Variants in BZW1 observed in about 807,000 individuals in gnomAD.
The protein encoded by BZW1 is eIF5-mimic protein 2.
BZW1 carries 3 observed loss-of-function variants against 54.1 expected under a neutral mutation model. That is an observed-to-expected ratio of 0.06 (90% CI 0.03 to 0.14). The LOEUF (loss-of-function observed/expected upper bound fraction) is 0.14. BZW1 is among the 10% of genes least tolerant of loss of function. BZW1 has a pLI of 1.00. For missense variants in BZW1, 206 were observed against 491.7 expected, an observed-to-expected ratio of 0.42 and a Z score of 5.50; for synonymous variants, 152 against 162.7, an observed-to-expected ratio of 0.93 and a Z score of 0.50.
chr2:200,817,762 TTAAG>T (rs1420175188), intron 6 of BZW1, among the ~76,000 whole-genome samples: 1 of 152,134 alleles, frequency 6.6e-6, no homozygotes, highest in Non-Finnish European at 1.5e-5. Flanking sequence ...GGAAAACACT[TTAAG>T]TAACTTGGCC....
intron 1 of BZW1, 96 bp from the exon 2 acceptor site, chr2:200,813,112 C>T: frequency 1.0e-6 from 1 of 994,334 alleles, no homozygotes. Context: ...GTGGGTGTTC[C>T]ATTTGATTCA....
In BZW1 at chr2:200,824,101, CATT is replaced by C. The variant is rs577237868; in HGVS notation, c.*1929_*1931del. 68 of 152,238 alleles carry C rather than the reference CATT, an allele frequency of 4.5e-4. No homozygotes were observed. Among genetic ancestry groups the C allele is most frequent in the African/African-American group, 9.1e-4 (38 of 41,546 alleles). 9.4% of individuals were successfully genotyped at this position (152,238 alleles called of 1,614,324 possible). On this transcript the variant is annotated 3_prime_UTR_variant, in exon 12 of 12. Transcript: ENST00000409600. Reference sequence around the variant, plus strand: ...AAAAGTGTGTCATCTTCCAGAACTACATTATTATCTTTGATCGTAGTTTGTTTC... The same window carrying C: ...AAAAGTGTGTCATCTTCCAGAACTACATTATCTTTGATCGTAGTTTGTTTC...
intron 2 of BZW1, among the ~76,000 whole-genome samples, chr2:200,813,720 A>G (rs545821297): frequency 6.6e-6 from 1 of 152,246 alleles, no homozygotes; most frequent in Admixed American, 6.5e-5. Context: ...CAGGATTCAC[A>G]TTGTAATGTC....
At chr2:200,818,691 T>G in intron 8 of BZW1, 64 bp from the exon 9 acceptor site, 1 of 1,515,988 alleles carries the variant, frequency 6.6e-7, no homozygotes. Flanking sequence ...GGTCTAAACT[T>G]GATGTGTGAA....
chr2:200,817,085 T>C (rs1486947054), intron 5 of BZW1, 21 bp from the exon 6 acceptor site: 1 of 1,611,448 alleles, frequency 6.2e-7, no homozygotes. Context: ...TTTTAACCCT[T>C]AATTGTTTTA....
chr2:200,818,720 C>G, intron 8 of BZW1, 35 bp from the exon 9 acceptor site: 2 of 1,565,588 alleles, frequency 1.3e-6, no homozygotes, highest in Non-Finnish European at 1.7e-6. Context: ...ATAATCAAAA[C>G]TGACTTCTGT....
chr2:200,821,308 A>G lies in BZW1; in HGVS notation c.1228+3A>G, dbSNP rs1287353076. 4.3e-6 allele frequency: 7 copies of G among 1,613,352 alleles called. No individual in the cohort carries two copies. The East Asian group carries it at 1.3e-4, about 31-fold the overall frequency. ...ATGGCTCAAAAATGCTGAAGAAGGT[A>G]AGGATTTTCCTTTGTGTGGTTTGTT... is the stretch of plus-strand genomic sequence containing the variant. On this transcript the variant is annotated splice_donor_region_variant and intron_variant, in intron 11 of 11. Transcript: ENST00000409600.
chr2:200,815,271 A>T (rs2038242655), intron 2 of BZW1, 70 bp from the exon 3 acceptor site: 14 of 1,423,302 alleles, frequency 9.8e-6, no homozygotes, highest in Non-Finnish European at 1.3e-5. Context: ...GCATCTTCAT[A>T]AGGTGATAGT....
intron 2 of BZW1, among the ~76,000 whole-genome samples, chr2:200,814,799 G>A (rs1004263854): frequency 6.6e-6 from 1 of 152,146 alleles, no homozygotes; most frequent in Non-Finnish European, 1.5e-5. Context: ...CTGACTCTCA[G>A]TTTTCCTTCT....
chr2:200,818,404 G>A lies in BZW1; in HGVS notation c.819+11G>A, dbSNP rs149530605. The stretch of plus-strand genomic sequence containing the variant: ...GATCCATTTAAGGATGTAAGTTTTT[G>A]TTTAAACCGTCTTTTTATGGCTAAG... On this transcript the variant is annotated intron_variant, in intron 8 of 11. Coordinates refer to ENST00000409600, the MANE Select transcript of BZW1 (RefSeq NM_001207067.2). 5.1e-5 allele frequency: 81 copies of A among 1,594,430 alleles called. No homozygotes were observed. In the African/African-American group the frequency reaches 9.4e-4, roughly 19 times the overall value.
chr2:200,815,077 G>A (rs2038235207), intron 2 of BZW1, among the ~76,000 whole-genome samples: 2 of 152,350 alleles, frequency 1.3e-5, no homozygotes, highest in East Asian at 3.9e-4. Context: ...CCAAGAGGCA[G>A]TAGGAGGGCG....
chr2:200,815,221 A>G, intron 2 of BZW1, 120 bp from the exon 3 acceptor site: 1 of 1,057,494 alleles, frequency 9.5e-7, no homozygotes, highest in Non-Finnish European at 1.3e-6. Context: ...GAGGGGAAAC[A>G]TGCAAAGGAT....
intron 9 of BZW1, among the ~76,000 whole-genome samples, chr2:200,819,476 C>T (rs1298665188): frequency 6.6e-6 from 1 of 152,006 alleles, no homozygotes; most frequent in East Asian, 1.9e-4. Flanking sequence ...AATTTTTCCC[C>T]CCCTCTAAAA....
intron 9 of BZW1, 41 bp downstream of exon 9, chr2:200,818,942 T>C (rs919349469): frequency 6.6e-7 from 1 of 1,513,168 alleles, no homozygotes; most frequent in Non-Finnish European, 8.8e-7. Flanking sequence ...TATTCTGCTT[T>C]CACGTGGTGA....
intron 11 of BZW1, among the ~76,000 whole-genome samples, chr2:200,821,872 G>A (rs1299675638): frequency 6.6e-6 from 1 of 152,134 alleles, no homozygotes; most frequent in Non-Finnish European, 1.5e-5. Context: ...GGAGTATGAG[G>A]CCAGCCTGGA....
intron 6 of BZW1, among the ~76,000 whole-genome samples, chr2:200,817,628 A>G (rs2038342297): frequency 8.0e-6 from 1 of 125,594 alleles, no homozygotes; most frequent in Admixed American, 8.5e-5. Flanking sequence ...TCTCTACAGT[A>G]ATTTTTTTGA....
chr2:200,818,630 A>T, intron 8 of BZW1, 125 bp from the exon 9 acceptor site: 1 of 1,103,320 alleles, frequency 9.1e-7, no homozygotes, highest in Non-Finnish European at 1.3e-6. Flanking sequence ...TATATGTGGT[A>T]CACATGTGGT....
At chr2:200,819,853 G>T in intron 9 of BZW1, 129 bp from the exon 10 acceptor site, 1 of 915,320 alleles carries the variant, frequency 1.1e-6, no homozygotes, top group Non-Finnish European at 1.5e-6. Context: ...TAAATTTCTG[G>T]TAAATAAGTT....
chr2:200,812,138 C>G, intron 1 of BZW1, 148 bp downstream of exon 1: 1 of 1,039,950 alleles, frequency 9.6e-7, no homozygotes, highest in Non-Finnish European at 1.2e-6. Context: ...GATCTAGGGC[C>G]TGAAAGGCCG....
Sources: allele counts gnomAD v4.1 joint callset (sites outside exome capture counted in the v4.1 genomes callset), GRCh38; gene constraint gnomAD v4.1.1; transcripts MANE v1.5; gene names NCBI Gene and HGNC (gene_info 2026-07-23, HGNC 2026-07-21).